The following PTPRM variants were observed in gnomAD, a reference collection of about 807,000 sequenced individuals.
PTPRM encodes receptor-type tyrosine-protein phosphatase mu.
Under a neutral mutation model 186.7 loss-of-function variants are expected in PTPRM, and 47 were observed. The ratio of observed to expected loss-of-function variants is 0.25; its 90% confidence interval spans 0.20 to 0.32. PTPRM has a LOEUF of 0.32. PTPRM is among the 10% of genes least tolerant of loss of function. PTPRM has a pLI of 1.00. For missense variants in PTPRM, 1,494 were observed against 1,865.0 expected (o/e 0.80, Z 3.66); for synonymous variants, 668 against 674.9 (o/e 0.99, Z 0.16).
chr18:8,252,519 C>A lies in PTPRM; in HGVS notation c.2566+20C>A, dbSNP rs756544913. 15 of 1,542,564 alleles carry A rather than the reference C, an allele frequency of 9.7e-6. No homozygotes were observed. Among genetic ancestry groups the A allele is most frequent in the African/African-American group, 1.4e-5 (1 of 73,256 alleles). ...TAAATGGTAAGTTCCCCGATTCGCCCCATGGAAGAGTTGTGGAGGGAGTGG... is the reference window on the plus strand; with the variant it reads ...TAAATGGTAAGTTCCCCGATTCGCCACATGGAAGAGTTGTGGAGGGAGTGG... On this transcript the variant is annotated intron_variant, in intron 18 of 32. Transcript: ENST00000580170.
At chr18:7,597,777 A>C (rs2037302615) in intron 1 of PTPRM, among the ~76,000 whole-genome samples, 1 of 152,192 alleles carries the variant, frequency 6.6e-6, no homozygotes, top group Admixed American at 6.5e-5. Flanking sequence ...TAATTACGTA[A>C]GCATTAGATT....
chr18:8,152,967 C>T (rs1055081512), intron 14 of PTPRM, among the ~76,000 whole-genome samples: 23 of 152,126 alleles, frequency 1.5e-4, no homozygotes, highest in Non-Finnish European at 3.2e-4. Context: ...CCCCCTGCCT[C>T]AGCCTCCCAA....
intron 14 of PTPRM, among the ~76,000 whole-genome samples, chr18:8,145,758 G>A (rs2146151988): frequency 6.6e-6 from 1 of 152,282 alleles, no homozygotes; most frequent in Middle Eastern, 3.4e-3. Context: ...TTGGTTCCAA[G>A]TCTTTGCTAT....
intron 14 of PTPRM, among the ~76,000 whole-genome samples, chr18:8,217,745 GTTGTT>G (rs1237662044): frequency 6.6e-6 from 1 of 152,142 alleles, no homozygotes; most frequent in East Asian, 1.9e-4. Flanking sequence ...GAGGCTTTGT[GTTGTT>G]TTGTTTTGTT....
intron 2 of PTPRM, among the ~76,000 whole-genome samples, chr18:7,885,960 AC>A (rs1017566686): frequency 5.8e-4 from 88 of 152,320 alleles, no homozygotes; most frequent in African/African-American, 2.0e-3. Flanking sequence ...TGTGGGCAAC[AC>A]TTATTTTGCC....
intron 7 of PTPRM, among the ~76,000 whole-genome samples, chr18:8,032,097 C>T (rs1318634678): frequency 6.6e-6 from 1 of 152,106 alleles, no homozygotes; most frequent in African/African-American, 2.4e-5. Context: ...GTAGAAGAAT[C>T]CACTGAAAAT....
intron 7 of PTPRM, among the ~76,000 whole-genome samples, chr18:7,976,725 G>T (rs562469516): frequency 6.6e-5 from 10 of 152,286 alleles, no homozygotes; most frequent in African/African-American, 2.2e-4. Flanking sequence ...GGAACTACTG[G>T]AAAGGAAGAG....
At chr18:8,347,461 C>G (rs752418751) in intron 23 of PTPRM, among the ~76,000 whole-genome samples, 6 of 152,012 alleles carry the variant, frequency 3.9e-5, no homozygotes, top group Non-Finnish European at 8.8e-5. Context: ...ATTACTGCAG[C>G]AAAAAATAAT....
chr18:7,720,075 C>G (rs2040418194), intron 1 of PTPRM, among the ~76,000 whole-genome samples: 1 of 152,066 alleles, frequency 6.6e-6, no homozygotes, highest in Non-Finnish European at 1.5e-5. Context: ...GGAGGGCCCA[C>G]AAGTAGACTT....
intron 7 of PTPRM, among the ~76,000 whole-genome samples, chr18:8,047,412 G>A (rs1471447785): frequency 6.6e-6 from 1 of 152,074 alleles, no homozygotes; most frequent in Non-Finnish European, 1.5e-5. Context: ...TTCTTATTTT[G>A]TGACAGTTAC....
chr18:7,621,506 C>T (rs976267815), intron 1 of PTPRM, among the ~76,000 whole-genome samples: 1 of 152,062 alleles, frequency 6.6e-6, no homozygotes, highest in Non-Finnish European at 1.5e-5. Context: ...TAGTGGGCCA[C>T]ATTTGATGTT....
At chr18:7,718,784 A>G (rs567999733) in intron 1 of PTPRM, among the ~76,000 whole-genome samples, 4 of 152,198 alleles carry the variant, frequency 2.6e-5, no homozygotes, top group Non-Finnish European at 4.4e-5. Context: ...AAGATATACA[A>G]ACAACGAACA....
intron 1 of PTPRM, among the ~76,000 whole-genome samples, chr18:7,702,972 A>G (rs1025655549): frequency 3.9e-5 from 6 of 152,152 alleles, no homozygotes; most frequent in Non-Finnish European, 7.3e-5. Flanking sequence ...AGGTTTGTCA[A>G]AGACTGGGTT....
chr18:7,962,861 C>A (rs557882501), intron 7 of PTPRM, among the ~76,000 whole-genome samples: 1 of 152,312 alleles, frequency 6.6e-6, no homozygotes, highest in East Asian at 1.9e-4. Context: ...CAATAAGTAT[C>A]TGGACTTACA....
chr18:7,706,966 TA>T (rs139804379), intron 1 of PTPRM, among the ~76,000 whole-genome samples: 47 of 152,166 alleles, frequency 3.1e-4, no homozygotes, highest in Non-Finnish European at 6.2e-4. Flanking sequence ...GATTGGGGGA[TA>T]GGGGTGAGTT....
chr18:8,265,018 A>G (rs1435696674), intron 19 of PTPRM, among the ~76,000 whole-genome samples: 1 of 152,164 alleles, frequency 6.6e-6, no homozygotes, highest in African/African-American at 2.4e-5. Flanking sequence ...GAAGACACAG[A>G]CCTATGGAAA....
intron 5 of PTPRM, among the ~76,000 whole-genome samples, chr18:7,943,587 C>A (rs2052334055): frequency 1.3e-5 from 2 of 152,172 alleles, no homozygotes. Flanking sequence ...TACTGTTTTG[C>A]AGGTCAGAAG....
chr18:8,105,230 G>C (rs2091463867), intron 11 of PTPRM, among the ~76,000 whole-genome samples: 1 of 152,112 alleles, frequency 6.6e-6, no homozygotes, highest in Non-Finnish European at 1.5e-5. Context: ...GTGAGTGTTA[G>C]CAAAAGGTGC....
chr18:8,332,976 G>A (rs582420), intron 22 of PTPRM, among the ~76,000 whole-genome samples: 41,382 of 151,996 alleles, frequency 0.27, 5,910 homozygotes, highest in African/African-American at 0.33. Context: ...AGAGTTTTTC[G>A]TGTGAGAGTT....
Sources: allele counts gnomAD v4.1 joint callset (sites outside exome capture counted in the v4.1 genomes callset), GRCh38; gene constraint gnomAD v4.1.1; transcripts MANE v1.5; gene names NCBI Gene and HGNC (gene_info 2026-07-23, HGNC 2026-07-21).